PDZD4: variants seen among roughly 807,000 people sequenced by gnomAD.
PDZD4 encodes PDZ domain-containing protein 4.
In PDZD4, 9 loss-of-function variants were observed where a neutral mutation model predicts 38.5. The ratio of observed to expected loss-of-function variants is 0.23; its 90% CI spans 0.14 to 0.41. The LOEUF is 0.41. Ranked by LOEUF, PDZD4 falls within the 10% of genes least tolerant of loss-of-function variation. The probability of loss-of-function intolerance (pLI) is 1.00; values close to 1 mark genes in which losing one functional copy is unlikely to be tolerated. For synonymous variants in PDZD4, 349 were observed against 315.7 expected, an observed-to-expected ratio of 1.11 and a Z score of -1.12; for missense variants, 612 against 722.0, an observed-to-expected ratio of 0.85 and a Z score of 1.75.
intron 1 of PDZD4, among the ~76,000 whole-genome samples, chrX:153,825,647 C>T (rs2064473492): frequency 8.9e-6 from 1 of 112,349 alleles, no homozygotes; most frequent in Non-Finnish European, 1.9e-5. Context: ...AACCCACATC[C>T]GTGGAATAAA....
chrX:153,822,671 C>T (rs868980160), intron 1 of PDZD4, among the ~76,000 whole-genome samples: 2 of 87,018 alleles, frequency 2.3e-5, no homozygotes, highest in African/African-American at 4.1e-5. Context: ...CTCTCTCTTT[C>T]TCTCTGTCTT....
At chrX:153,818,618 G>A (rs1429747105) in intron 1 of PDZD4, among the ~76,000 whole-genome samples, 2 of 109,328 alleles carry the variant, frequency 1.8e-5, no homozygotes, top group Non-Finnish European at 1.9e-5. Flanking sequence ...GAGGGAAGCC[G>A]AGGAGCTGCT....
At chrX:153,811,356 C>CAA (rs2148464724) in intron 1 of PDZD4, among the ~76,000 whole-genome samples, 1 of 111,919 alleles carries the variant, frequency 8.9e-6, no homozygotes, top group South Asian at 3.7e-4. Context: ...AGGATGGTCT[C>CAA]AAACTCCTGA....
intron 1 of PDZD4, chrX:153,829,940 G>GA: frequency 1.2e-6 from 1 of 810,749 alleles, no homozygotes; most frequent in Non-Finnish European, 1.5e-6. Flanking sequence ...CCTGCGGGGA[G>GA]AGCGTGTGCG....
Position 153,804,655 on chromosome X carries a change from G to A in PDZD4, c.1026C>T (p.Ala342=). 1.9e-6 allele frequency: 2 copies of A among 1,035,251 alleles called. No individual in the cohort carries two copies. Among genetic ancestry groups the A allele is most frequent in the Non-Finnish European group, 2.6e-6 (2 of 766,945 alleles). The allele number at this position is 1,035,251 out of a possible 1,213,427, so 85.3% of individuals were successfully genotyped here. The change falls in exon 8 of 8, where the codon GCC becomes GCT. Residue 342 remains alanine (A), a synonymous_variant. Coordinates refer to ENST00000393758, the MANE Select transcript of PDZD4 (RefSeq NM_001303512.2). ...CGCCCCCTCCCAGCCCCGCCCCCTC[G>A]GCCAGCAGAGAGTCCATGCTGAAAT... ...DFHFSMDSLL[A]EGAGLGGGDV...
Position 153,808,407 on chromosome X carries a change from C to A in PDZD4, c.249G>T (p.Ala83=). 1 of 1,211,214 alleles carries A rather than the reference C, an allele frequency of 8.3e-7. No homozygotes were observed. The highest frequency in any genetic ancestry group is 1.1e-6 in the Non-Finnish European group (1 of 895,455). ...GGGTGGGCGGACGCAGCTTGCCCAG[C>A]GCCATGATATGCTCGAAGGTGATGT... ...QTDITFEHIM[A]LGKLRPPTPP... The change falls in exon 2 of 8, where the codon GCG becomes GCT. Residue 83 remains alanine (A), a synonymous_variant. Coordinates refer to ENST00000393758, the MANE Select transcript of PDZD4 (RefSeq NM_001303512.2).
At chrX:153,822,650 TCC>T (rs782178146) in intron 1 of PDZD4, among the ~76,000 whole-genome samples, 26 of 17,467 alleles carry the variant, frequency 1.5e-3, no homozygotes, top group South Asian at 7.6e-3. Flanking sequence ...TCTCCCTCCC[TCC>T]CTCTCTCTCT....
chrX:153,823,472 C>T (rs2064448744), intron 1 of PDZD4, among the ~76,000 whole-genome samples: 1 of 110,416 alleles, frequency 9.1e-6, no homozygotes, highest in Admixed American at 9.6e-5. Context: ...CCCACCTCAG[C>T]CTCCCAAAGT....
At chrX:153,813,671 T>A (rs1425054938) in intron 1 of PDZD4, among the ~76,000 whole-genome samples, 1 of 111,992 alleles carries the variant, frequency 8.9e-6, no homozygotes, top group Non-Finnish European at 1.9e-5. Flanking sequence ...TTTTAATACC[T>A]TCTTCAAGGA....
chrX:153,829,462 T>C (rs1391651243), intron 1 of PDZD4: 1 of 113,065 alleles, frequency 8.8e-6, no homozygotes, highest in Non-Finnish European at 1.8e-5. Context: ...CTAGACAGTC[T>C]GCAGGGTGCA....
At chrX:153,824,135 A>G (rs2064455915) in intron 1 of PDZD4, among the ~76,000 whole-genome samples, 2 of 111,483 alleles carry the variant, frequency 1.8e-5, no homozygotes, top group Non-Finnish European at 3.8e-5. Flanking sequence ...AAGTGTCCTC[A>G]TGCCCCTCTG....
chrX:153,805,644 G>C (rs1557076706), intron 5 of PDZD4, 38 bp from the exon 6 acceptor site: 3 of 1,133,041 alleles, frequency 2.6e-6, no homozygotes, highest in Middle Eastern at 2.4e-4. Flanking sequence ...GCATGCTAGG[G>C]CTGGCCCTGG....
In PDZD4 at chrX:153,812,158, G is replaced by A. The variant is rs112999289; in HGVS notation, c.61-3563C>T. 9.5e-3 allele frequency among the ~76,000 whole-genome samples: 1,037 copies of A among 108,926 alleles called. 17 individuals carry two copies. Among genetic ancestry groups the A allele is most frequent in the African/African-American group, 0.033 (976 of 29,780 alleles). 94.6% of individuals were successfully genotyped at this position (108,926 alleles called of 115,157 possible). On this transcript the variant is annotated intron_variant, in intron 1 of 7. Coordinates refer to ENST00000393758, the MANE Select transcript of PDZD4 (RefSeq NM_001303512.2). ...CCCCAACTCCAAGTTCAGTGACATCGCAGTGGTGGCTTGAAATCGGCTATA... is the reference window on the plus strand; with the variant it reads ...CCCCAACTCCAAGTTCAGTGACATCACAGTGGTGGCTTGAAATCGGCTATA...
chrX:153,812,317 G>T (rs1557078903), intron 1 of PDZD4, among the ~76,000 whole-genome samples: 2 of 107,178 alleles, frequency 1.9e-5, no homozygotes, highest in Admixed American at 2.0e-4. Flanking sequence ...CTGTCCTCAG[G>T]GTTTCTTCCT....
At chrX:153,813,950 G>A (rs1557079263) in intron 1 of PDZD4, among the ~76,000 whole-genome samples, 1 of 111,871 alleles carries the variant, frequency 8.9e-6, no homozygotes, top group East Asian at 2.8e-4. Context: ...ATGTTTCTTG[G>A]CTGAATTAAA....
chrX:153,805,365 C>CG, intron 6 of PDZD4, 140 bp downstream of exon 6: 1 of 673,609 alleles, frequency 1.5e-6, no homozygotes, highest in Non-Finnish European at 2.3e-6. Context: ...GGAGGGGAAA[C>CG]GGGCCCTGAG....
chrX:153,821,487 A>C (rs1274286229), intron 1 of PDZD4, among the ~76,000 whole-genome samples: 1 of 110,460 alleles, frequency 9.1e-6, no homozygotes, highest in Non-Finnish European at 1.9e-5. Context: ...CAAACAAACA[A>C]AAAAAACAAC....
Position 153,803,255 on chromosome X carries a change from G to T in PDZD4, c.*98C>A. The T allele has an allele frequency of 1.6e-6, 1 of 632,701 alleles. No individual in the cohort carries two copies. The highest frequency in any genetic ancestry group is 2.2e-6 in the Non-Finnish European group (1 of 458,648). 52.1% of individuals were successfully genotyped at this position (632,701 alleles called of 1,213,427 possible). A position where few individuals can be genotyped will look rare whatever the true frequency, so the allele number is the denominator to read the frequency against. On this transcript the variant is annotated 3_prime_UTR_variant, in exon 8 of 8. Coordinates refer to ENST00000393758, the MANE Select transcript of PDZD4 (RefSeq NM_001303512.2). ...GTGTGCGTGCGCACAGCGAGCACGC[G>T]CGCGCGCACACACACACACACACAA...
intron 5 of PDZD4, 123 bp from the exon 6 acceptor site, chrX:153,805,729 G>A (rs1557076760): frequency 3.6e-6 from 2 of 557,924 alleles, no homozygotes; most frequent in Non-Finnish European, 6.1e-6. Flanking sequence ...TGAGCTCTGG[G>A]AGGATGTAAC....
Sources: gnomAD v4.1 joint callset for allele counts (sites outside exome capture counted in the v4.1 genomes callset) on GRCh38, gnomAD v4.1.1 for gene constraint, MANE v1.5 for transcripts, NCBI Gene and HGNC (gene_info 2026-07-23, HGNC 2026-07-21) for gene names.